The following RGS7BP variants were observed in gnomAD, a reference collection of about 807,000 sequenced individuals.
The protein encoded by RGS7BP is regulator of G protein signaling 7 binding protein, also known as regulator of G protein signaling 7-binding protein.
Under a neutral mutation model 31.3 loss-of-function variants are expected in RGS7BP, and 9 were observed. That is an observed-to-expected ratio of 0.29 (90% CI 0.17 to 0.50). The LOEUF (loss-of-function observed/expected upper bound fraction) is 0.50, where lower values mean the gene tolerates loss of function less well. Ranked by LOEUF, RGS7BP falls within the 20% of genes least tolerant of loss-of-function variation. The pLI, the probability that RGS7BP is intolerant of heterozygous loss-of-function variation, is 0.98. For synonymous variants in RGS7BP, 115 were observed against 120.1 expected, an observed-to-expected ratio of 0.96 and a Z score of 0.28; for missense variants, 274 against 322.0, an observed-to-expected ratio of 0.85 and a Z score of 1.14.
In RGS7BP at chr5:64,518,580, T is replaced by C. The variant is rs1245495628; in HGVS notation, c.332+10703T>C. ...CTCTGAGAAGGGACCAGTCCTATGA[T>C]AATTTCAGAGAAAAGCATTTGAGGC... On this transcript the variant is annotated intron_variant, in intron 2 of 5. Transcript: ENST00000334025. 2.0e-5 allele frequency among the ~76,000 whole-genome samples: 3 copies of C among 152,196 alleles called. No individual in the cohort carries two copies. The East Asian group carries it at 5.8e-4, about 29-fold the overall frequency.
Position 64,554,660 on chromosome 5 carries a change from G to A in RGS7BP, c.333-21114G>A, listed in dbSNP as rs562765229. On this transcript the variant is annotated intron_variant, in intron 2 of 5. Coordinates refer to ENST00000334025, the MANE Select transcript of RGS7BP (RefSeq NM_001029875.3). Reference sequence around the variant, plus strand: ...TGAATATGAGATCACAAGTTAAATTGTAAAACACACAAGGAAAGAATCTAG... The same window carrying A: ...TGAATATGAGATCACAAGTTAAATTATAAAACACACAAGGAAAGAATCTAG... Among the ~76,000 whole-genome samples the A allele has an allele frequency of 9.9e-5, 15 of 152,236 alleles. 1 individual carries two copies. The South Asian group carries it at 3.1e-3, about 32-fold the overall frequency.
At chr5:64,580,416 A>G (rs757616209) in intron 3 of RGS7BP, among the ~76,000 whole-genome samples, 2 of 152,166 alleles carry the variant, frequency 1.3e-5, no homozygotes, top group Non-Finnish European at 2.9e-5. Context: ...GTCAAGATGC[A>G]TGATTAAGGA....
Position 64,506,520 on chromosome 5 carries a change from C to A in RGS7BP, c.-105C>A. 2 of 1,002,520 alleles carry A rather than the reference C, an allele frequency of 2.0e-6. No individual in the cohort carries two copies. The highest frequency in any genetic ancestry group is 2.9e-6 in the Non-Finnish European group (2 of 687,712). 62.1% of individuals were successfully genotyped at this position (1,002,520 alleles called of 1,614,324 possible). A position where few individuals can be genotyped will look rare whatever the true frequency, so the allele number is the denominator to read the frequency against. On this transcript the variant is annotated 5_prime_UTR_variant, in exon 1 of 6. Coordinates refer to ENST00000334025, the MANE Select transcript of RGS7BP (RefSeq NM_001029875.3). The surrounding 1 kb of genome is among the most constrained non-coding windows in gnomAD (Gnocchi z 4.6). ...CCCCAGCACTGTGAGCTGCGCGCCT[C>A]AGGTCCGGGCTCCGGCTGCTTGGCG...
At chr5:64,544,585 G>T (rs1165880733) in intron 2 of RGS7BP, among the ~76,000 whole-genome samples, 8 of 151,624 alleles carry the variant, frequency 5.3e-5, no homozygotes, top group Non-Finnish European at 8.8e-5. Context: ...GAGGCAGGAG[G>T]GTCACTTGAG....
At chr5:64,514,556 T>A (rs558275071) in intron 2 of RGS7BP, among the ~76,000 whole-genome samples, 9 of 152,226 alleles carry the variant, frequency 5.9e-5, no homozygotes, top group Non-Finnish European at 1.3e-4. Flanking sequence ...TGGAATAGAA[T>A]GTTTTCTGTA....
At chr5:64,554,973 G>T (rs558464737) in intron 2 of RGS7BP, among the ~76,000 whole-genome samples, 1 of 152,042 alleles carries the variant, frequency 6.6e-6, no homozygotes, top group African/African-American at 2.4e-5. Flanking sequence ...CTGGAAGATG[G>T]ATCTGAAGAA....
chr5:64,550,558 T>C (rs1212776305), intron 2 of RGS7BP, among the ~76,000 whole-genome samples: 1 of 152,064 alleles, frequency 6.6e-6, no homozygotes, highest in Admixed American at 6.5e-5. Context: ...ATTTCTCACT[T>C]TGTAAAACAA....
chr5:64,608,386 CA>C (rs1376219242), intron 5 of RGS7BP, among the ~76,000 whole-genome samples: 4 of 151,902 alleles, frequency 2.6e-5, no homozygotes, highest in African/African-American at 9.7e-5. Context: ...AATTTCAAAC[CA>C]AAACTTATTA....
rs538761043 is a variant in RGS7BP at position 64,583,201 on chromosome 5, G to A, written c.463+7297G>A. 4.1e-4 allele frequency among the ~76,000 whole-genome samples: 63 copies of A among 152,138 alleles called. 1 individual carries two copies. In the South Asian group the frequency reaches 9.6e-3, roughly 23 times the overall value. ...TCAGGAGTTCCAGACCAGCCCGGCC[G>A]ACGTGGTGAAACCCTTGTCTCTAGT... On this transcript the variant is annotated intron_variant, in intron 3 of 5. Coordinates refer to ENST00000334025, the MANE Select transcript of RGS7BP (RefSeq NM_001029875.3).
At chr5:64,549,594 T>C (rs771017014) in intron 2 of RGS7BP, among the ~76,000 whole-genome samples, 1 of 152,242 alleles carries the variant, frequency 6.6e-6, no homozygotes, top group Non-Finnish European at 1.5e-5. Context: ...AGCTTGATCA[T>C]TCCCTCCTGT....
chr5:64,534,734 A>T (rs528067173), intron 2 of RGS7BP, among the ~76,000 whole-genome samples: 1 of 152,350 alleles, frequency 6.6e-6, no homozygotes, highest in South Asian at 2.1e-4. Flanking sequence ...CCATTAAAAG[A>T]TAATGTCCAT....
intron 2 of RGS7BP, among the ~76,000 whole-genome samples, chr5:64,522,060 A>T (rs528955348): frequency 6.6e-6 from 1 of 152,358 alleles, no homozygotes; most frequent in East Asian, 1.9e-4. Flanking sequence ...AATAGTGGCC[A>T]GTGTAGAAAG....
At chr5:64,510,615 G>A (rs1248418510) in intron 2 of RGS7BP, among the ~76,000 whole-genome samples, 1 of 152,180 alleles carries the variant, frequency 6.6e-6, no homozygotes, top group African/African-American at 2.4e-5. Context: ...TTGGACTATG[G>A]TGATGGTTAT....
chr5:64,540,600 G>C (rs1163859220), intron 2 of RGS7BP, among the ~76,000 whole-genome samples: 1 of 152,102 alleles, frequency 6.6e-6, no homozygotes, highest in African/African-American at 2.4e-5. Flanking sequence ...ACAAGTCAGA[G>C]AGTATTACTA....
intron 5 of RGS7BP, among the ~76,000 whole-genome samples, chr5:64,599,704 G>A (rs1051330579): frequency 1.3e-5 from 2 of 152,192 alleles, no homozygotes; most frequent in African/African-American, 2.4e-5. Context: ...CCACCACATG[G>A]AAGATTGTTG....
chr5:64,509,588 G>A (rs1722560384), intron 2 of RGS7BP, among the ~76,000 whole-genome samples: 2 of 152,156 alleles, frequency 1.3e-5, no homozygotes, highest in Admixed American at 6.5e-5. Context: ...TTATAGCTAT[G>A]TTACCCCGGC....
intron 2 of RGS7BP, among the ~76,000 whole-genome samples, chr5:64,536,326 G>T (rs1741358260): frequency 6.6e-6 from 1 of 152,162 alleles, no homozygotes; most frequent in Non-Finnish European, 1.5e-5. Flanking sequence ...TTCTGAGAGG[G>T]ACTATGTGAG....
At chr5:64,525,351 T>C (rs1321047919) in intron 2 of RGS7BP, among the ~76,000 whole-genome samples, 3 of 152,196 alleles carry the variant, frequency 2.0e-5, no homozygotes, top group Admixed American at 6.5e-5. Context: ...CCTTCCTAGA[T>C]GTCTTATGAA....
At chr5:64,552,961 T>G (rs1422466934) in intron 2 of RGS7BP, among the ~76,000 whole-genome samples, 1 of 152,202 alleles carries the variant, frequency 6.6e-6, no homozygotes, top group Non-Finnish European at 1.5e-5. Flanking sequence ...CGGACTTACT[T>G]CTTTTCTTCC....
Sources: allele counts gnomAD v4.1 joint callset (sites outside exome capture counted in the v4.1 genomes callset), GRCh38; gene constraint gnomAD v4.1.1; non-coding constraint Gnocchi (gnomAD v3.1); transcripts MANE v1.5; gene names NCBI Gene and HGNC (gene_info 2026-07-23, HGNC 2026-07-21).